Variants in CLSTN2 observed in about 807,000 individuals in gnomAD.
The protein encoded by CLSTN2 is calsyntenin 2.
In CLSTN2, 48 loss-of-function variants were observed where a neutral mutation model predicts 101.2. The observed-to-expected ratio is 0.47, with a 90% CI of 0.38 to 0.60. The LOEUF (loss-of-function observed/expected upper bound fraction) is 0.60, where lower values mean the gene tolerates loss of function less well. Among genes scored for constraint, CLSTN2 ranks in the 20% least tolerant of loss-of-function variants. The probability of loss-of-function intolerance (pLI) is 0.00; values close to 1 mark genes in which losing one functional copy is unlikely to be tolerated. For synonymous variants in CLSTN2, 481 were observed against 463.6 expected, an observed-to-expected ratio of 1.04 and a Z score of -0.48; for missense variants, 1,160 against 1,238.2, an observed-to-expected ratio of 0.94 and a Z score of 0.95.
chr3:140,466,501 C>G (rs1407833728), intron 7 of CLSTN2, 109 bp from the exon 8 acceptor site: 1 of 1,287,950 alleles, frequency 7.8e-7, no homozygotes, highest in Non-Finnish European at 1.1e-6. Context: ...ACTGGAGTGC[C>G]CATGCCTTTG....
intron 5 of CLSTN2, among the ~76,000 whole-genome samples, chr3:140,440,882 C>A (rs942018796): frequency 5.4e-4 from 82 of 152,132 alleles, no homozygotes; most frequent in African/African-American, 1.7e-3. Context: ...TTGTGGGTCC[C>A]AGTATAAAGT....
chr3:140,062,778 G>A (rs2008229074), intron 1 of CLSTN2, among the ~76,000 whole-genome samples: 1 of 152,104 alleles, frequency 6.6e-6, no homozygotes, highest in Non-Finnish European at 1.5e-5. Context: ...GTGACCTTGA[G>A]TGAATCACAT....
At chr3:140,218,657 C>T (rs1421775291) in intron 2 of CLSTN2, among the ~76,000 whole-genome samples, 3 of 152,190 alleles carry the variant, frequency 2.0e-5, no homozygotes, top group South Asian at 2.1e-4. Flanking sequence ...GTCAAGCAAG[C>T]ATAGCTTTGG....
intron 2 of CLSTN2, among the ~76,000 whole-genome samples, chr3:140,346,785 T>C (rs1038157): frequency 0.6 from 90,485 of 151,916 alleles, 27,555 homozygotes; most frequent in Non-Finnish European, 0.64. Context: ...TGAAGGTGGT[T>C]GGGAGGAGTG....
chr3:140,524,027 A>AG (rs546478566), intron 8 of CLSTN2, among the ~76,000 whole-genome samples: 80 of 152,328 alleles, frequency 5.3e-4, no homozygotes, highest in African/African-American at 1.8e-3. Flanking sequence ...ATCAGGAATG[A>AG]GGGGAGAATA....
rs141468799 is a variant in CLSTN2 at position 140,239,439 on chromosome 3, T to G, written c.232+63366T>G. On this transcript the variant is annotated intron_variant, in intron 2 of 16. Coordinates refer to ENST00000458420, the MANE Select transcript of CLSTN2 (RefSeq NM_022131.3). ...CTTAATGCTTAGAAATTTTACTTCA[T>G]ACTTGTTAAAAGAGTTTTTAAAATG... Among the ~76,000 whole-genome samples, 318 of 152,346 alleles carry G rather than the reference T, an allele frequency of 2.1e-3. 1 individual carries two copies. Among genetic ancestry groups the G allele is most frequent in the African/African-American group, 7.5e-3 (310 of 41,580 alleles).
intron 1 of CLSTN2, among the ~76,000 whole-genome samples, chr3:140,074,310 G>A (rs1317466): frequency 0.041 from 6,269 of 152,186 alleles, 420 homozygotes; most frequent in African/African-American, 0.14. Flanking sequence ...CCCCAACAGT[G>A]GATGGACAGA....
At chr3:140,355,597 G>GA (rs1474211171) in intron 2 of CLSTN2, among the ~76,000 whole-genome samples, 1 of 152,224 alleles carries the variant, frequency 6.6e-6, no homozygotes, top group Non-Finnish European at 1.5e-5. Flanking sequence ...AGCATCCCAG[G>GA]AAGTGTCCTG....
intron 2 of CLSTN2, among the ~76,000 whole-genome samples, chr3:140,296,448 C>T (rs545561723): frequency 1.2e-4 from 19 of 152,296 alleles, no homozygotes; most frequent in Non-Finnish European, 2.2e-4. Context: ...GAAAATGATA[C>T]GCCATTGTCA....
chr3:140,355,501 T>C (rs2087660820), intron 2 of CLSTN2, among the ~76,000 whole-genome samples: 1 of 152,234 alleles, frequency 6.6e-6, no homozygotes, highest in Non-Finnish European at 1.5e-5. Flanking sequence ...TGGAGGGCTG[T>C]CAACAATATG....
rs138482693 is a variant in CLSTN2, at chr3:139,956,094, C to T, written c.109+20611C>T. Among the ~76,000 whole-genome samples, 198 of 152,274 alleles carry T rather than the reference C, an allele frequency of 1.3e-3. 1 individual carries two copies. Among genetic ancestry groups the T allele is most frequent in the African/African-American group, 4.7e-3 (194 of 41,556 alleles). Reference sequence around the variant, plus strand: ...CTTGTCACGACTCTGTGAGTTGGGTCTCCTGACTTCCCTATTTTCCAGTTA... The same window carrying T: ...CTTGTCACGACTCTGTGAGTTGGGTTTCCTGACTTCCCTATTTTCCAGTTA... On this transcript the variant is annotated intron_variant, in intron 1 of 16. Transcript: ENST00000458420.
At position 140,404,773 on chromosome 3, in the gene CLSTN2, G is replaced by A. The variant is rs1167994010; in HGVS notation, c.637+7G>A. The A allele has an allele frequency of 6.2e-7, 1 of 1,612,718 alleles. No homozygotes were observed. Among genetic ancestry groups the A allele is most frequent in the Admixed American group, 1.7e-5 (1 of 60,024 alleles). Reference sequence around the variant, plus strand: ...TTTGCCATCGACAGAAATGGTGAGTGACCTCAGAGGACCCCTGTGGGGTCA... The same window carrying A: ...TTTGCCATCGACAGAAATGGTGAGTAACCTCAGAGGACCCCTGTGGGGTCA... On this transcript the variant is annotated splice_region_variant and intron_variant, in intron 4 of 16. Transcript: ENST00000458420.
At chr3:139,960,425 G>A (rs1238624179) in intron 1 of CLSTN2, among the ~76,000 whole-genome samples, 1 of 152,066 alleles carries the variant, frequency 6.6e-6, no homozygotes, top group Non-Finnish European at 1.5e-5. Context: ...GAACTTATCA[G>A]TCCTTAATAA....
chr3:140,311,064 AG>A (rs1408388285), intron 2 of CLSTN2, among the ~76,000 whole-genome samples: 7 of 152,156 alleles, frequency 4.6e-5, no homozygotes, highest in Non-Finnish European at 1.0e-4. Context: ...GTGCCACAAC[AG>A]CAGAGAGAGA....
Position 140,489,541 on chromosome 3 carries a change from G to A in CLSTN2, c.1344+22810G>A, listed in dbSNP as rs541218111. Among the ~76,000 whole-genome samples the A allele has an allele frequency of 1.1e-4, 17 of 152,200 alleles. No homozygotes were observed. The South Asian group carries it at 3.5e-3, about 32-fold the overall frequency. On this transcript the variant is annotated intron_variant, in intron 8 of 16. Coordinates refer to ENST00000458420, the MANE Select transcript of CLSTN2 (RefSeq NM_022131.3). Reference sequence around the variant, plus strand: ...GCCACATACAGAAGACTGTCTGGGAGGGATCACCTAACTGGGCCTGGGGGT... The same window carrying A: ...GCCACATACAGAAGACTGTCTGGGAAGGATCACCTAACTGGGCCTGGGGGT...
At chr3:140,498,697 C>G (rs1440931350) in intron 8 of CLSTN2, among the ~76,000 whole-genome samples, 1 of 152,194 alleles carries the variant, frequency 6.6e-6, no homozygotes, top group Non-Finnish European at 1.5e-5. Context: ...CAAGGCATCC[C>G]TTCTCTTTTA....
intron 1 of CLSTN2, among the ~76,000 whole-genome samples, chr3:140,041,842 C>T (rs997183381): frequency 7.2e-5 from 11 of 152,140 alleles, no homozygotes; most frequent in African/African-American, 2.7e-4. Context: ...TGCAGCAGCC[C>T]CTGCGATAGC....
chr3:140,053,413 C>T (rs1310363229), intron 1 of CLSTN2, among the ~76,000 whole-genome samples: 1 of 152,162 alleles, frequency 6.6e-6, no homozygotes, highest in African/African-American at 2.4e-5. Context: ...CGCTGGTCAG[C>T]TGGGTGGGGA....
intron 2 of CLSTN2, among the ~76,000 whole-genome samples, chr3:140,213,948 A>T (rs2010889645): frequency 6.6e-6 from 1 of 152,150 alleles, no homozygotes; most frequent in Non-Finnish European, 1.5e-5. Context: ...GCCTTGTAGG[A>T]GGTTGAACAC....
Sources: gnomAD v4.1 joint callset for allele counts (sites outside exome capture counted in the v4.1 genomes callset) on GRCh38, gnomAD v4.1.1 for gene constraint, MANE v1.5 for transcripts, NCBI Gene and HGNC (gene_info 2026-07-23, HGNC 2026-07-21) for gene names.